SLC25A17: variants seen among roughly 807,000 people sequenced by gnomAD.
The protein encoded by SLC25A17 is solute carrier family 25 member 17, also known as peroxisomal membrane protein PMP34.
In SLC25A17, 26 loss-of-function variants were observed where a neutral mutation model predicts 38.5. The ratio of observed to expected loss-of-function variants is 0.68; its 90% CI spans 0.50 to 0.94. The LOEUF (loss-of-function observed/expected upper bound fraction) is 0.94, where lower values mean the gene tolerates loss of function less well. Among genes scored for constraint, SLC25A17 ranks in the 40% least tolerant of loss-of-function variants. The pLI, the probability that SLC25A17 is intolerant of heterozygous loss-of-function variation, is 0.00. For missense variants in SLC25A17, 333 were observed against 372.7 expected (o/e 0.89, Z 0.88); for synonymous variants, 139 against 136.2 (o/e 1.02, Z -0.14).
chr22:40,773,795 T>C (rs1427446928), intron 8 of SLC25A17, 142 bp downstream of exon 8: 2 of 680,680 alleles, frequency 2.9e-6, no homozygotes, highest in Non-Finnish European at 5.3e-6. Flanking sequence ...AAATGGGAAA[T>C]GTCTAAGCAC....
At position 40,769,908 on chromosome 22, in the gene SLC25A17, A is replaced by G. The variant is rs940009871; in HGVS notation, c.*926T>C. On this transcript the variant is annotated 3_prime_UTR_variant, in exon 9 of 9. Coordinates refer to ENST00000435456, the MANE Select transcript of SLC25A17 (RefSeq NM_006358.4). ...ACTCTAAGGAAGGTTTCCAAATGAA[A>G]TAACCTCAACCAGATGTTTATTTTC... 6.6e-6 allele frequency: 1 copy of G among 152,226 alleles called. No homozygotes were observed. Among genetic ancestry groups the G allele is most frequent in the Non-Finnish European group, 1.5e-5 (1 of 68,046 alleles). 9.4% of individuals were successfully genotyped at this position (152,226 alleles called of 1,614,324 possible). A position where few individuals can be genotyped will look rare whatever the true frequency, so the allele number is the denominator to read the frequency against.
intron 4 of SLC25A17, among the ~76,000 whole-genome samples, chr22:40,784,947 G>A (rs2145662309): frequency 6.6e-6 from 1 of 152,198 alleles, no homozygotes; most frequent in Admixed American, 6.5e-5. Context: ...AACTAATCTG[G>A]CTGTTTCTGT....
chr22:40,770,625 G>T lies in SLC25A17; in HGVS notation c.*209C>A. The T allele has an allele frequency of 5.1e-6, 2 of 393,788 alleles. No homozygotes were observed. Among genetic ancestry groups the T allele is most frequent in the Non-Finnish European group, 8.9e-6 (2 of 224,254 alleles). 24.4% of individuals were successfully genotyped at this position (393,788 alleles called of 1,614,324 possible). ...ATGTTTTTTTCACATTAGTCCAACT[G>T]CCACCCCAAAATCCAACCAGCCAGC... On this transcript the variant is annotated 3_prime_UTR_variant, in exon 9 of 9. Coordinates refer to ENST00000435456, the MANE Select transcript of SLC25A17 (RefSeq NM_006358.4).
chr22:40,794,431 T>C lies in SLC25A17; in HGVS notation c.182+83A>G, dbSNP rs1053157401. ...CAACATTAGAGTGCTGTGAGAAAGA[T>C]AGAAAGTAAGCATAACTCTACTGGA... On this transcript the variant is annotated intron_variant, in intron 3 of 8. Coordinates refer to ENST00000435456, the MANE Select transcript of SLC25A17 (RefSeq NM_006358.4). 8.0e-5 allele frequency: 64 copies of C among 802,302 alleles called. 1 individual carries two copies. The highest frequency in any genetic ancestry group is 4.7e-4 in the South Asian group (30 of 64,490). 49.7% of individuals were successfully genotyped at this position (802,302 alleles called of 1,614,324 possible). A position where few individuals can be genotyped will look rare whatever the true frequency, so the allele number is the denominator to read the frequency against.
intron 3 of SLC25A17, among the ~76,000 whole-genome samples, chr22:40,793,563 A>T (rs1430344293): frequency 6.6e-6 from 1 of 152,200 alleles, no homozygotes; most frequent in Non-Finnish European, 1.5e-5. Flanking sequence ...GTATAACCTC[A>T]ATGGAATCAT....
chr22:40,777,005 G>A, intron 7 of SLC25A17, 35 bp downstream of exon 7: 4 of 1,557,778 alleles, frequency 2.6e-6, no homozygotes, highest in Non-Finnish European at 3.5e-6. Flanking sequence ...TTCGAATGCT[G>A]TTTGACTAAA....
Position 40,789,565 on chromosome 22 carries a change from G to A in SLC25A17, c.334+2960C>T, listed in dbSNP as rs2057367405. 6.6e-6 allele frequency among the ~76,000 whole-genome samples: 1 copy of A among 151,298 alleles called. No individual in the cohort carries two copies. Among genetic ancestry groups the A allele is most frequent in the South Asian group, 2.1e-4 (1 of 4,766 alleles). On this transcript the variant is annotated intron_variant, in intron 4 of 8. Transcript: ENST00000435456. This position sits in a 1 kb window ranked among gnomAD's most constrained non-coding sequence, Gnocchi z 4.5. ...CTTGTTGCCCAGGCTGGAGTGCAGT[G>A]GCATGATCTTGGCTCACTGCAACCT...
At chr22:40,807,856 C>A (rs946412316) in intron 1 of SLC25A17, among the ~76,000 whole-genome samples, 1 of 152,148 alleles carries the variant, frequency 6.6e-6, no homozygotes, top group African/African-American at 2.4e-5. Context: ...CAAGCAAACA[C>A]AAAGATGACT....
chr22:40,806,418 A>G (rs1354456766), intron 1 of SLC25A17, among the ~76,000 whole-genome samples: 1 of 152,202 alleles, frequency 6.6e-6, no homozygotes, highest in Non-Finnish European at 1.5e-5. Flanking sequence ...GTCGAATAAA[A>G]TATATATAAC....
intron 1 of SLC25A17, among the ~76,000 whole-genome samples, chr22:40,809,989 A>G (rs2057564794): frequency 6.6e-6 from 1 of 152,154 alleles, no homozygotes; most frequent in Non-Finnish European, 1.5e-5. Context: ...ACAGATGATC[A>G]TTTATTAGGG....
At chr22:40,794,375 T>G in intron 3 of SLC25A17, 139 bp downstream of exon 3, 1 of 556,022 alleles carries the variant, frequency 1.8e-6, no homozygotes, top group East Asian at 3.0e-5. Flanking sequence ...AAAACAATTA[T>G]GTACTTATAA....
rs1465918045 is a variant in SLC25A17 at position 40,794,494 on chromosome 22, T to C, written c.182+20A>G. 1 of 1,536,960 alleles carries C rather than the reference T, an allele frequency of 6.5e-7. No homozygotes were observed. The highest frequency in any genetic ancestry group is 2.2e-5 in the East Asian group (1 of 44,510). On this transcript the variant is annotated intron_variant, in intron 3 of 8. Transcript: ENST00000435456. Reference sequence around the variant, plus strand: ...TCCTAACAAGTTGCTTTAACGAAGGTGAACTGAGGTAGTACTCACAGTCCT... The same window carrying C: ...TCCTAACAAGTTGCTTTAACGAAGGCGAACTGAGGTAGTACTCACAGTCCT...
intron 1 of SLC25A17, among the ~76,000 whole-genome samples, chr22:40,807,685 C>G (rs1212797598): frequency 6.6e-6 from 1 of 152,066 alleles, no homozygotes; most frequent in African/African-American, 2.4e-5. Flanking sequence ...GGAGGCGGAA[C>G]TTGCAGTGAG....
chr22:40,791,055 G>T (rs2057381387), intron 4 of SLC25A17, among the ~76,000 whole-genome samples: 1 of 152,228 alleles, frequency 6.6e-6, no homozygotes, highest in Non-Finnish European at 1.5e-5. Flanking sequence ...GTGGGTTCAT[G>T]AGGAAGACCT....
intron 1 of SLC25A17, among the ~76,000 whole-genome samples, chr22:40,809,715 C>T (rs1162967681): frequency 6.6e-6 from 1 of 151,994 alleles, no homozygotes; most frequent in East Asian, 1.9e-4. Flanking sequence ...TTGTTATAAC[C>T]ACATAAGCAA....
chr22:40,792,475 A>G lies in SLC25A17; in HGVS notation c.334+50T>C, dbSNP rs1003938391. The G allele has an allele frequency of 2.0e-6, 3 of 1,504,416 alleles. No homozygotes were observed. The African/African-American group carries it at 4.2e-5, about 21-fold the overall frequency. 93.2% of individuals were successfully genotyped at this position (1,504,416 alleles called of 1,614,324 possible). On this transcript the variant is annotated intron_variant, in intron 4 of 8. Coordinates refer to ENST00000435456, the MANE Select transcript of SLC25A17 (RefSeq NM_006358.4). ...GCTAAATAACCTCTTAGAGGATATAAAACCACAAGGTAAATATAAAAACAT... is the reference window on the plus strand; with the variant it reads ...GCTAAATAACCTCTTAGAGGATATAGAACCACAAGGTAAATATAAAAACAT...
rs774955908 is a variant in SLC25A17 at position 40,770,906 on chromosome 22, C to T, written c.852G>A (p.Met284Ile). Residue 284 changes from methionine (M) to isoleucine (I), a missense_variant, in exon 9 of 9, where the codon ATG (methionine) becomes ATA (isoleucine). Transcript: ENST00000435456. ...LLQTVLTAAL[M>I]FLVYEKLTAA... ...CTGTCAGTTTCTCATAAACAAGGAA[C>T]ATGAGAGCAGCAGTGAGGACTGTCT... 1.9e-5 allele frequency: 30 copies of T among 1,613,454 alleles called. 1 individual carries two copies. In the South Asian group the frequency reaches 2.7e-4, roughly 15 times the overall value.
At chr22:40,805,180 C>T (rs761606906) in intron 1 of SLC25A17, among the ~76,000 whole-genome samples, 2 of 152,036 alleles carry the variant, frequency 1.3e-5, no homozygotes, top group Non-Finnish European at 2.9e-5. Context: ...ATTAAAAATA[C>T]AAAAATTAGC....
At chr22:40,773,692 G>T (rs553175268) in intron 8 of SLC25A17, among the ~76,000 whole-genome samples, 1 of 152,356 alleles carries the variant, frequency 6.6e-6, no homozygotes, top group South Asian at 2.1e-4. Flanking sequence ...TTCTCTTTCT[G>T]AAGGAGTTCT....
Sources: gnomAD v4.1 joint callset for allele counts (sites outside exome capture counted in the v4.1 genomes callset) on GRCh38, gnomAD v4.1.1 for gene constraint, Gnocchi (gnomAD v3.1) non-coding constraint, MANE v1.5 for transcripts, NCBI Gene and HGNC (gene_info 2026-07-23, HGNC 2026-07-21) for gene names.